KCNT2: variants seen among roughly 807,000 people sequenced by gnomAD.
KCNT2 encodes the protein potassium channel subfamily T member 2.
A neutral mutation model predicts 153.8 loss-of-function variants in KCNT2; 67 were observed. That is an observed-to-expected ratio of 0.44 (90% CI 0.36 to 0.53). The LOEUF is 0.53. Ranked by LOEUF, KCNT2 falls within the 20% of genes least tolerant of loss-of-function variation. The pLI is 0.00. For synonymous variants in KCNT2, 500 were observed against 458.8 expected (o/e 1.09, Z -1.15); for missense variants, 975 against 1,354.8 (o/e 0.72, Z 4.40).
At chr1:196,527,480 C>T (rs550999594) in intron 1 of KCNT2, among the ~76,000 whole-genome samples, 5 of 151,964 alleles carry the variant, frequency 3.3e-5, no homozygotes, top group East Asian at 1.9e-4. Flanking sequence ...AACAGGGTAA[C>T]GTAAAATGAA....
Position 196,333,992 on chromosome 1 carries a change from T to C in KCNT2, c.1852A>G (p.Thr618Ala), listed in dbSNP as rs1381846514. The change falls in exon 17 of 28, where the codon ACA becomes GCA. Residue 618 changes from threonine (T) to alanine (A), a missense_variant. This residue lies in a region of KCNT2 where 325 missense variants were observed against 388.1 expected (regional missense o/e 0.84). Coordinates refer to ENST00000294725, the MANE Select transcript of KCNT2 (RefSeq NM_198503.5). ...CTTCTTATTTCTTTGCTTCCCTCTG[T>C]AGGAAGAGACAGGGTAGGGCCACTT... ...SASGPTLSLP[T>A]EGSKEIRRPS... 4 of 1,613,226 alleles carry C rather than the reference T, an allele frequency of 2.5e-6. No individual in the cohort carries two copies. Among genetic ancestry groups the C allele is most frequent in the African/African-American group, 2.7e-5 (2 of 74,860 alleles).
chr1:196,238,694 T>C (rs1046256857), intron 26 of KCNT2, among the ~76,000 whole-genome samples: 1 of 151,910 alleles, frequency 6.6e-6, no homozygotes, highest in Non-Finnish European at 1.5e-5. Context: ...TTTTGTGACT[T>C]TGTGTTTAAG....
intron 1 of KCNT2, among the ~76,000 whole-genome samples, chr1:196,575,101 C>G (rs567288550): frequency 6.6e-6 from 1 of 151,806 alleles, no homozygotes; most frequent in Admixed American, 6.6e-5. Flanking sequence ...TGCCATTTTC[C>G]CAAAGAAAGT....
At chr1:196,592,221 A>G (rs1420767059) in intron 1 of KCNT2, among the ~76,000 whole-genome samples, 2 of 152,038 alleles carry the variant, frequency 1.3e-5, no homozygotes, top group African/African-American at 4.8e-5. Flanking sequence ...AATAACATGG[A>G]TGGAACTGGA....
chr1:196,437,292 AT>A (rs1393965760), intron 8 of KCNT2, among the ~76,000 whole-genome samples: 3 of 128,214 alleles, frequency 2.3e-5, no homozygotes, highest in Non-Finnish European at 3.2e-5. Context: ...AATATATATA[AT>A]ATATATAAAT....
At chr1:196,262,145 G>GA (rs950412011) in intron 25 of KCNT2, among the ~76,000 whole-genome samples, 1 of 151,710 alleles carries the variant, frequency 6.6e-6, no homozygotes, top group African/African-American at 2.4e-5. Context: ...TAGTTTTAAG[G>GA]AAAGTAGAAA....
In KCNT2 at chr1:196,232,493, C is replaced by T. The variant is rs1481055612; in HGVS notation, c.3296+3493G>A. ...TTTATATATTACATGTCATGGTAGG[C>T]ATCTTTCAAATGATAATTTATCATT... On this transcript the variant is annotated intron_variant, in intron 27 of 27. Coordinates refer to ENST00000294725, the MANE Select transcript of KCNT2 (RefSeq NM_198503.5). Among the ~76,000 whole-genome samples, 6 of 151,686 alleles carry T rather than the reference C, an allele frequency of 4.0e-5. No homozygotes were observed. In the East Asian group the frequency reaches 9.7e-4, roughly 24 times the overall value.
At chr1:196,244,226 A>G (rs914181151) in intron 26 of KCNT2, among the ~76,000 whole-genome samples, 12 of 152,054 alleles carry the variant, frequency 7.9e-5, no homozygotes, top group African/African-American at 2.9e-4. Flanking sequence ...CTTAAGTGAG[A>G]CTCAGAGATG....
intron 26 of KCNT2, among the ~76,000 whole-genome samples, chr1:196,250,131 C>T (rs1339697271): frequency 6.6e-6 from 1 of 151,382 alleles, no homozygotes; most frequent in Non-Finnish European, 1.5e-5. Flanking sequence ...CACAAAGACC[C>T]AGTATAGCTA....
chr1:196,244,623 AG>A (rs1655263452), intron 26 of KCNT2, among the ~76,000 whole-genome samples: 1 of 152,048 alleles, frequency 6.6e-6, no homozygotes. Flanking sequence ...GCTTATAGGA[AG>A]GGGAGGGAAG....
At chr1:196,431,824 A>G (rs2148550448) in intron 8 of KCNT2, among the ~76,000 whole-genome samples, 1 of 152,262 alleles carries the variant, frequency 6.6e-6, no homozygotes, top group Non-Finnish European at 1.5e-5. Flanking sequence ...CAGATTGTAA[A>G]TAAAAATTGT....
intron 8 of KCNT2, 26 bp from the exon 9 acceptor site, chr1:196,429,783 T>A: frequency 1.3e-6 from 2 of 1,510,824 alleles, no homozygotes. Flanking sequence ...TGCATTACAA[T>A]TAAATCTTTC....
At chr1:196,380,326 A>G (rs1323253477) in intron 13 of KCNT2, among the ~76,000 whole-genome samples, 1 of 152,238 alleles carries the variant, frequency 6.6e-6, no homozygotes, top group African/African-American at 2.4e-5. Context: ...AAAATAAAAA[A>G]TTACAATTGA....
At chr1:196,270,687 T>C (rs1233703049) in intron 25 of KCNT2, among the ~76,000 whole-genome samples, 1 of 151,994 alleles carries the variant, frequency 6.6e-6, no homozygotes, top group Non-Finnish European at 1.5e-5. Context: ...AAATATATAG[T>C]CTAAAGCAAT....
intron 26 of KCNT2, among the ~76,000 whole-genome samples, chr1:196,248,036 T>C (rs1000044093): frequency 6.6e-6 from 1 of 152,088 alleles, no homozygotes; most frequent in African/African-American, 2.4e-5. Context: ...AACAGTATAA[T>C]CTTGAATGAC....
intron 1 of KCNT2, among the ~76,000 whole-genome samples, chr1:196,526,048 TGTGTG>T (rs1654149893): frequency 6.6e-6 from 1 of 151,334 alleles, no homozygotes; most frequent in Admixed American, 6.6e-5. Context: ...TGTGTGTGTG[TGTGTG>T]TGTGAATCAG....
chr1:196,291,442 T>C (rs773376633), intron 22 of KCNT2, among the ~76,000 whole-genome samples: 1 of 152,072 alleles, frequency 6.6e-6, no homozygotes, highest in Admixed American at 6.6e-5. Context: ...CTGATAAAAA[T>C]ACATTACACA....
At chr1:196,493,426 T>G (rs148416334) in intron 1 of KCNT2, among the ~76,000 whole-genome samples, 106 of 152,044 alleles carry the variant, frequency 7.0e-4, no homozygotes, top group African/African-American at 2.5e-3. Flanking sequence ...ATTACAAAGC[T>G]GCTCATGCAT....
chr1:196,492,849 C>T (rs1029921865), intron 1 of KCNT2, among the ~76,000 whole-genome samples: 11 of 152,118 alleles, frequency 7.2e-5, no homozygotes, highest in Admixed American at 2.0e-4. Flanking sequence ...CACCTATAGC[C>T]TATTTAGGAC....
Sources: allele counts gnomAD v4.1 joint callset (sites outside exome capture counted in the v4.1 genomes callset), GRCh38; gene constraint gnomAD v4.1.1; regional missense constraint gnomAD v4.1.1; transcripts MANE v1.5; gene names NCBI Gene and HGNC (gene_info 2026-07-23, HGNC 2026-07-21).